Variants in TDRD6 observed in about 807,000 individuals in gnomAD.
TDRD6 encodes tudor domain-containing protein 6.
TDRD6 carries 186 observed loss-of-function variants against 157.5 expected under a neutral mutation model. The ratio of observed to expected loss-of-function variants is 1.18; its 90% CI spans 1.05 to 1.33. The LOEUF is 1.33. TDRD6 is among the 40% of genes most tolerant of loss of function. TDRD6 has a pLI of 0.00. For synonymous variants in TDRD6, 1,075 were observed against 945.2 expected (o/e 1.14, Z -2.52); for missense variants, 3,066 against 2,508.0 (o/e 1.22, Z -4.75).
At position 46,691,048 on chromosome 6, in the gene TDRD6, T is replaced by A. The variant is rs754250056; in HGVS notation, c.2920T>A (p.Ser974Thr). ...TTTGGAGTCCTCTGTTCAGCTACAT[T>A]CCTACTTCTATTCTACACATGATAT... ...KPLESSVQLH[S>T]YFYSTHDMKI... The change falls in exon 1 of 4, where the codon TCC becomes ACC. Residue 974 changes from serine to threonine, a missense_variant. Transcript: ENST00000316081. The A allele has an allele frequency of 6.2e-7, 1 of 1,613,696 alleles. No homozygotes were observed.
intron 2 of TDRD6, among the ~76,000 whole-genome samples, chr6:46,697,344 A>G (rs754195433): frequency 1.3e-5 from 2 of 152,112 alleles, no homozygotes; most frequent in Non-Finnish European, 2.9e-5. Context: ...CCCATCCCAA[A>G]AAAAGCCTTA....
rs760301677 is a variant in TDRD6, at chr6:46,689,799, C to G, written c.1671C>G (p.Val557=). 5.6e-6 allele frequency: 9 copies of G among 1,614,188 alleles called. No individual in the cohort carries two copies. The highest frequency in any genetic ancestry group is 1.3e-5 in the African/African-American group (1 of 75,040). ...WKENGYYRAI[V]TKLDDKSVDV... ...AAAATGGTTATTATAGGGCCATAGTCACCAAATTGGATGACAAGAGTGTGG... is the reference window on the plus strand; with the variant it reads ...AAAATGGTTATTATAGGGCCATAGTGACCAAATTGGATGACAAGAGTGTGG... The change falls in exon 1 of 4, where the codon GTC becomes GTG. Residue 557 remains valine, a synonymous_variant. Coordinates refer to ENST00000316081, the MANE Select transcript of TDRD6 (RefSeq NM_001010870.3).
At chr6:46,682,330 T>G in the TDRD6 span, among the ~76,000 whole-genome samples, 76 of 152,140 alleles carry the variant, frequency 5.0e-4, no homozygotes, top group African/African-American at 1.8e-3. Flanking sequence ...AATTTTTACA[T>G]GAGTAAAAAA....
At position 46,695,853 on chromosome 6, in the gene TDRD6, T is replaced by A; in HGVS notation, c.6079T>A (p.Phe2027Ile). ...QLQNTYTLKA[F>I]TVGSKCVVWS... is the part of the protein sequence containing the mutation. ...ACAGAACACCTACACTCTGAAAGCC[T>A]TTACTGTTGGATCTAAATGTGTTGT... The change falls in exon 2 of 4, where the codon TTT (phenylalanine) becomes ATT (isoleucine). Residue 2027 changes from phenylalanine to isoleucine, a missense_variant. By Grantham distance (21) the Phe-to-Ile change is conservative (BLOSUM62 0). Transcript: ENST00000316081. 1 of 1,613,670 alleles carries A rather than the reference T, an allele frequency of 6.2e-7. No individual in the cohort carries two copies. The highest frequency in any genetic ancestry group is 8.5e-7 in the Non-Finnish European group (1 of 1,179,754).
At position 46,692,716 on chromosome 6, in the gene TDRD6, G is replaced by A. The variant is rs768605877; in HGVS notation, c.4588G>A (p.Gly1530Arg). Reference protein sequence around the residue: ...MIRAYATVIDGPEYFWCQFAD... With the variant: ...MIRAYATVIDRPEYFWCQFAD... ...AAGAGCTTATGCCACTGTGATAGAT[G>A]GACCTGAGTACTTTTGGTGTCAGTT... The change falls in exon 1 of 4, where the codon GGA becomes AGA. Residue 1530 changes from glycine to arginine, a missense_variant. Gly to Arg is a moderately radical substitution (Grantham distance 125). Transcript: ENST00000316081. The A allele has an allele frequency of 6.2e-7, 1 of 1,614,156 alleles. No homozygotes were observed. The highest frequency in any genetic ancestry group is 8.5e-7 in the Non-Finnish European group (1 of 1,180,024).
Position 46,688,384 on chromosome 6 carries a change from G to A in TDRD6, c.256G>A (p.Val86Met). Residue 86 changes from valine to methionine, a missense_variant, in exon 1 of 4, where the codon GTG (valine) becomes ATG (methionine). Coordinates refer to ENST00000316081, the MANE Select transcript of TDRD6 (RefSeq NM_001010870.3). ...CGGGCTTTTGTGGCACCGCTGCCGCGTGGTCAGCCGGCAGGCACAGGAGAG... is the reference window on the plus strand; with the variant it reads ...CGGGCTTTTGTGGCACCGCTGCCGCATGGTCAGCCGGCAGGCACAGGAGAG... ...QVGLLWHRCR[V>M]VSRQAQESRV... 2.0e-6 allele frequency: 3 copies of A among 1,535,866 alleles called. No individual in the cohort carries two copies. Among genetic ancestry groups the A allele is most frequent in the Non-Finnish European group, 2.6e-6 (3 of 1,145,020 alleles).
intron 2 of TDRD6, among the ~76,000 whole-genome samples, chr6:46,696,581 G>GTGTATATA (rs1297824557): frequency 1.4e-4 from 5 of 34,892 alleles, no homozygotes; most frequent in Admixed American, 7.3e-4. Flanking sequence ...GTGTGTGTGT[G>GTGTATATA]TATATATATA....
chr6:46,687,844 T>A, upstream of TDRD6: 1 of 390,662 alleles, frequency 2.6e-6, no homozygotes, highest in South Asian at 4.3e-5. Context: ...CCCCGCCCAC[T>A]CTCCGCGGCC....
In TDRD6 at chr6:46,689,360, T is replaced by G. The variant is rs1182955513; in HGVS notation, c.1232T>G (p.Phe411Cys). The G allele has an allele frequency of 1.2e-6, 2 of 1,614,082 alleles. No homozygotes were observed. Among genetic ancestry groups the G allele is most frequent in the Non-Finnish European group, 1.7e-6 (2 of 1,180,016 alleles). ...AAGGCAGTGAATGCAAAGATTGAAT[T>G]TTATTGCTCCTTTGAGCATGTGTAT... Reference protein sequence around the residue: ...LGKAVNAKIEFYCSFEHVYYV... With the variant: ...LGKAVNAKIECYCSFEHVYYV... Residue 411 changes from phenylalanine to cysteine, a missense_variant, in exon 1 of 4, where the codon TTT becomes TGT. By Grantham distance (205) the Phe-to-Cys change is radical. Transcript: ENST00000316081.
chr6:46,695,963 A>G lies in TDRD6; in HGVS notation c.6171+18A>G. On this transcript the variant is annotated intron_variant, in intron 2 of 3. Coordinates refer to ENST00000316081, the MANE Select transcript of TDRD6 (RefSeq NM_001010870.3). ...GAACAAGGGTAAGTGATGTTTAAGTACTTTATCTCCAAATGTATTTGCAGA... is the reference window on the plus strand; with the variant it reads ...GAACAAGGGTAAGTGATGTTTAAGTGCTTTATCTCCAAATGTATTTGCAGA... The G allele has an allele frequency of 6.2e-7, 1 of 1,606,236 alleles. No individual in the cohort carries two copies. Among genetic ancestry groups the G allele is most frequent in the Non-Finnish European group, 8.5e-7 (1 of 1,176,960 alleles).
rs1764234214 is a variant in TDRD6, at chr6:46,689,378, A to T, written c.1250A>T (p.His417Leu). 1 of 1,613,954 alleles carries T rather than the reference A, an allele frequency of 6.2e-7. No homozygotes were observed. Among genetic ancestry groups the T allele is most frequent in the Admixed American group, 1.7e-5 (1 of 60,024 alleles). Reference sequence around the variant, plus strand: ...ATTGAATTTTATTGCTCCTTTGAGCATGTGTATTATGTCAGCCTGTATGGA... The same window carrying T: ...ATTGAATTTTATTGCTCCTTTGAGCTTGTGTATTATGTCAGCCTGTATGGA... The part of the protein sequence containing the change: ...AKIEFYCSFE[H>L]VYYVSLYGED... Residue 417 changes from histidine (H) to leucine (L), a missense_variant, in exon 1 of 4, where the codon CAT (histidine) becomes CTT (leucine). Coordinates refer to ENST00000316081, the MANE Select transcript of TDRD6 (RefSeq NM_001010870.3).
Position 46,692,991 on chromosome 6 carries a change from T to C in TDRD6, c.4863T>C (p.Pro1621=). 6.2e-7 allele frequency: 1 copy of C among 1,612,624 alleles called. No individual in the cohort carries two copies. Among genetic ancestry groups the C allele is most frequent in the Non-Finnish European group, 8.5e-7 (1 of 1,179,196 alleles). The change falls in exon 1 of 4, where the codon CCT becomes CCC. Residue 1621 remains proline (P), a synonymous_variant. Transcript: ENST00000316081. ...CVDPKALWAI[P]SELLSVPMQA... is the part of the protein sequence containing the mutation. The stretch of plus-strand genomic sequence containing the variant: ...ACCCAAAAGCACTCTGGGCCATTCC[T>C]TCTGAACTTCTGTCGGTTCCCATGC...
At position 46,687,993 on chromosome 6, in the gene TDRD6, G is replaced by A; in HGVS notation, c.-136G>A. ...GGGGGAGTTGCCGAGAAAAGGCCTC[G>A]CCGGCATTCTTCCCCTCCACTGGGT... On this transcript the variant is annotated 5_prime_UTR_variant, in exon 1 of 4. Transcript: ENST00000316081. 7.6e-7 allele frequency: 1 copy of A among 1,316,794 alleles called. No individual in the cohort carries two copies. Among genetic ancestry groups the A allele is most frequent in the Non-Finnish European group, 9.8e-7 (1 of 1,019,314 alleles). The allele number at this position is 1,316,794 out of a possible 1,614,324, so 81.6% of individuals were successfully genotyped here.
At chr6:46,696,478 A>G (rs9463236) in intron 2 of TDRD6, among the ~76,000 whole-genome samples, 2,488 of 135,262 alleles carry the variant, frequency 0.018, 46 homozygotes, top group African/African-American at 0.046. Context: ...ATGTGTGTAT[A>G]TATATATATA....
rs1206163506 is a variant in TDRD6 at position 46,688,244 on chromosome 6, G to A, written c.116G>A (p.Arg39Gln). ...PVQLWGLVGE[R>Q]RGEYLRLSRE... ...CAGCTGTGGGGGCTGGTGGGCGAGCGGCGGGGCGAGTACCTGCGGCTGAGC... is the reference window on the plus strand; with the variant it reads ...CAGCTGTGGGGGCTGGTGGGCGAGCAGCGGGGCGAGTACCTGCGGCTGAGC... The change falls in exon 1 of 4, where the codon CGG becomes CAG. Residue 39 changes from arginine to glutamine, a missense_variant. Coordinates refer to ENST00000316081, the MANE Select transcript of TDRD6 (RefSeq NM_001010870.3). 3.3e-6 allele frequency: 5 copies of A among 1,520,814 alleles called. No homozygotes were observed. In the East Asian group the frequency reaches 7.5e-5, roughly 23 times the overall value. The allele number at this position is 1,520,814 out of a possible 1,614,324, so 94.2% of individuals were successfully genotyped here. A position where few individuals can be genotyped will look rare whatever the true frequency, so the allele number is the denominator to read the frequency against.
In TDRD6 at chr6:46,691,245, G is replaced by A; in HGVS notation, c.3117G>A (p.Leu1039=). The A allele has an allele frequency of 6.2e-7, 1 of 1,614,058 alleles. No homozygotes were observed. Among genetic ancestry groups the A allele is most frequent in the Non-Finnish European group, 8.5e-7 (1 of 1,179,958 alleles). ...LKTSPLNPGT[L]CLAKYTDGNW... is the part of the protein sequence containing the mutation. ...CATCTCCCTTGAACCCTGGAACCTT[G>A]TGCCTTGCCAAGTATACTGATGGAA... The change falls in exon 1 of 4, where the codon TTG becomes TTA. Residue 1039 remains leucine (L), a synonymous_variant. Coordinates refer to ENST00000316081, the MANE Select transcript of TDRD6 (RefSeq NM_001010870.3).
At position 46,689,408 on chromosome 6, in the gene TDRD6, A is replaced by G. The variant is rs1299312852; in HGVS notation, c.1280A>G (p.Asp427Gly). Residue 427 changes from aspartate to glycine, a missense_variant, in exon 1 of 4, where the codon GAT becomes GGT. By Grantham distance (94) the Asp-to-Gly change is moderately conservative. Coordinates refer to ENST00000316081, the MANE Select transcript of TDRD6 (RefSeq NM_001010870.3). The part of the protein sequence containing the change: ...HVYYVSLYGE[D>G]GINLNRVFGV... ...TATTATGTCAGCCTGTATGGAGAAG[A>G]TGGGATTAATCTGAACCGTGTGTTT... The G allele has an allele frequency of 6.8e-6, 11 of 1,613,572 alleles. No individual in the cohort carries two copies. The highest frequency in any genetic ancestry group is 2.2e-5 in the East Asian group (1 of 44,880).
chr6:46,700,371 C>G (rs1764593051), intron 3 of TDRD6, among the ~76,000 whole-genome samples: 1 of 151,804 alleles, frequency 6.6e-6, no homozygotes, highest in African/African-American at 2.4e-5. Flanking sequence ...CGAGGAAGCT[C>G]TTAACTCTGG....
chr6:46,696,032 G>GA, intron 2 of TDRD6, 87 bp downstream of exon 2: 1 of 1,422,406 alleles, frequency 7.0e-7, no homozygotes, highest in Admixed American at 2.2e-5. Context: ...TAGAGAACGC[G>GA]ATTGAACAAA....
Sources: gnomAD v4.1 joint callset for allele counts (sites outside exome capture counted in the v4.1 genomes callset) on GRCh38, gnomAD v4.1.1 for gene constraint, MANE v1.5 for transcripts, NCBI Gene and HGNC (gene_info 2026-07-23, HGNC 2026-07-21) for gene names.